The following LUZP2 variants were observed in gnomAD, a reference collection of about 807,000 sequenced individuals.
LUZP2 encodes the protein leucine zipper protein 2.
LUZP2 carries 52 observed loss-of-function variants against 51.6 expected under a neutral mutation model. The ratio of observed to expected loss-of-function variants is 1.01; its 90% confidence interval spans 0.81 to 1.27. The LOEUF (loss-of-function observed/expected upper bound fraction) is 1.27, where lower values mean the gene tolerates loss of function less well. LUZP2 is among the 50% of genes most tolerant of loss of function. The probability of loss-of-function intolerance (pLI) is 0.00; values close to 1 mark genes in which losing one functional copy is unlikely to be tolerated. For missense variants in LUZP2, 436 were observed against 395.4 expected, an observed-to-expected ratio of 1.10 and a Z score of -0.87; for synonymous variants, 154 against 137.3, an observed-to-expected ratio of 1.12 and a Z score of -0.85.
At chr11:24,617,122 C>G (rs1854315912) in intron 1 of LUZP2, among the ~76,000 whole-genome samples, 1 of 152,022 alleles carries the variant, frequency 6.6e-6, no homozygotes, top group South Asian at 2.1e-4. Context: ...CTCAGGTGTT[C>G]CTGATGTTCA....
rs189541545 is a variant in LUZP2 at position 24,792,204 on chromosome 11, G to A, written c.396+28896G>A. On this transcript the variant is annotated intron_variant, in intron 5 of 11. Transcript: ENST00000336930. ...AGCAGTTTGGGAGGTGGAGGCAGGC[G>A]GGCCATGAGGTCAGGAAATTGAGAC... Among the ~76,000 whole-genome samples, 36 of 151,986 alleles carry A rather than the reference G, an allele frequency of 2.4e-4. No homozygotes were observed. The South Asian group carries it at 2.7e-3, about 11-fold the overall frequency.
chr11:24,786,283 A>G, intron 5 of LUZP2: 18 of 974,576 alleles, frequency 1.8e-5, no homozygotes, highest in Non-Finnish European at 2.1e-5. Context: ...AAAATACAGG[A>G]ACATAGAAAA....
chr11:24,581,939 G>C (rs971165164), intron 1 of LUZP2, among the ~76,000 whole-genome samples: 2 of 151,920 alleles, frequency 1.3e-5, no homozygotes, highest in Non-Finnish European at 2.9e-5. Flanking sequence ...GCTTTGTTCA[G>C]CTTGACTCCA....
At chr11:24,704,694 C>T (rs1245943519) in intron 1 of LUZP2, among the ~76,000 whole-genome samples, 1 of 151,982 alleles carries the variant, frequency 6.6e-6, no homozygotes, top group African/African-American at 2.4e-5. Context: ...CAAATTCATA[C>T]ATATACTAAC....
chr11:24,994,919 A>G (rs2133931894), intron 9 of LUZP2, among the ~76,000 whole-genome samples: 1 of 152,224 alleles, frequency 6.6e-6, no homozygotes, highest in East Asian at 1.9e-4. Flanking sequence ...TCATTCTAGG[A>G]TTTCCCAATA....
At chr11:25,036,982 C>T (rs940724853) in intron 9 of LUZP2, among the ~76,000 whole-genome samples, 10 of 150,738 alleles carry the variant, frequency 6.6e-5, no homozygotes, top group East Asian at 2.0e-4. Context: ...ATTAGACAAG[C>T]GTCAAGTTTT....
At chr11:24,620,001 T>C (rs1292316644) in intron 1 of LUZP2, among the ~76,000 whole-genome samples, 1 of 152,192 alleles carries the variant, frequency 6.6e-6, no homozygotes, top group Non-Finnish European at 1.5e-5. Flanking sequence ...ATAAGCATTA[T>C]TTCTATTTCT....
chr11:24,965,973 G>T (rs1303891718), intron 7 of LUZP2, among the ~76,000 whole-genome samples: 3 of 151,726 alleles, frequency 2.0e-5, no homozygotes, highest in Non-Finnish European at 4.4e-5. Context: ...CAATAACTGT[G>T]ACTCATGGAT....
intron 7 of LUZP2, among the ~76,000 whole-genome samples, chr11:24,924,592 A>G (rs1011507570): frequency 3.3e-5 from 5 of 152,172 alleles, no homozygotes; most frequent in Non-Finnish European, 4.4e-5. Flanking sequence ...CAATTAATTT[A>G]GAAGTTTATT....
At chr11:24,709,029 T>TG (rs1194253910) in intron 1 of LUZP2, among the ~76,000 whole-genome samples, 6 of 152,164 alleles carry the variant, frequency 3.9e-5, no homozygotes, top group Non-Finnish European at 5.9e-5. Flanking sequence ...TCTGAAATGA[T>TG]TGTCACATCT....
intron 5 of LUZP2, among the ~76,000 whole-genome samples, chr11:24,843,778 G>A (rs1008117468): frequency 1.3e-5 from 2 of 152,052 alleles, no homozygotes; most frequent in South Asian, 2.1e-4. Flanking sequence ...TTCCTGTACT[G>A]TTCTCATGAT....
At chr11:25,034,647 A>T (rs1857793852) in intron 9 of LUZP2, among the ~76,000 whole-genome samples, 1 of 152,156 alleles carries the variant, frequency 6.6e-6, no homozygotes, top group Non-Finnish European at 1.5e-5. Context: ...GTGGTTAGCC[A>T]GTTATCCCAG....
chr11:24,953,402 C>T (rs1565152251), intron 7 of LUZP2, among the ~76,000 whole-genome samples: 1 of 151,904 alleles, frequency 6.6e-6, no homozygotes, highest in Non-Finnish European at 1.5e-5. Flanking sequence ...CCGACATCTA[C>T]AAAATTTTAT....
intron 9 of LUZP2, among the ~76,000 whole-genome samples, chr11:25,004,949 A>T (rs1856792776): frequency 6.6e-6 from 1 of 152,172 alleles, no homozygotes; most frequent in African/African-American, 2.4e-5. Context: ...CCGGGGTTTG[A>T]TCTCACAAGA....
chr11:25,058,836 T>C (rs1377519618), intron 10 of LUZP2, among the ~76,000 whole-genome samples: 1 of 152,194 alleles, frequency 6.6e-6, no homozygotes, highest in African/African-American at 2.4e-5. Context: ...GACTTCTTGC[T>C]TTTCAGTTTC....
intron 1 of LUZP2, among the ~76,000 whole-genome samples, chr11:24,614,274 C>T (rs888782926): frequency 3.4e-4 from 51 of 152,044 alleles, no homozygotes; most frequent in African/African-American, 1.2e-3. Flanking sequence ...TTCTAGAAAA[C>T]ATATTGTTAA....
At chr11:25,050,592 C>T (rs1293577273) in intron 10 of LUZP2, among the ~76,000 whole-genome samples, 2 of 152,132 alleles carry the variant, frequency 1.3e-5, no homozygotes, top group East Asian at 1.9e-4. Flanking sequence ...GCATGAGCCA[C>T]TGAGCCTGGC....
At position 24,951,581 on chromosome 11, in the gene LUZP2, A is replaced by G. The variant is rs188787436; in HGVS notation, c.523-25010A>G. Among the ~76,000 whole-genome samples, 34 of 151,688 alleles carry G rather than the reference A, an allele frequency of 2.2e-4. No individual in the cohort carries two copies. In the East Asian group the frequency reaches 5.0e-3, roughly 23 times the overall value. ...CCACGTTTGTGCTTCGGAGCCAATT[A>G]TATTTTATCTTCACTCGTGGCTTTA... is the stretch of plus-strand genomic sequence containing the variant. On this transcript the variant is annotated intron_variant, in intron 7 of 11. Transcript: ENST00000336930.
At chr11:24,761,385 C>T (rs1046217202) in intron 4 of LUZP2, among the ~76,000 whole-genome samples, 1 of 152,158 alleles carries the variant, frequency 6.6e-6, no homozygotes, top group Non-Finnish European at 1.5e-5. Context: ...GAAACCACCC[C>T]TATGATCCAA....
Sources: gnomAD v4.1 joint callset for allele counts (sites outside exome capture counted in the v4.1 genomes callset) on GRCh38, gnomAD v4.1.1 for gene constraint, MANE v1.5 for transcripts, NCBI Gene and HGNC (gene_info 2026-07-23, HGNC 2026-07-21) for gene names.